Variants in LMX1B observed in about 807,000 individuals in gnomAD.
LMX1B encodes the protein LIM homeobox transcription factor 1 beta.
Under a neutral mutation model 51.4 loss-of-function variants are expected in LMX1B, and 12 were observed. The observed-to-expected ratio is 0.23, with a 90% confidence interval of 0.15 to 0.38. The LOEUF (loss-of-function observed/expected upper bound fraction) is 0.38, where lower values mean the gene tolerates loss of function less well. Among genes scored for constraint, LMX1B ranks in the 10% least tolerant of loss-of-function variants. The pLI, the probability that LMX1B is intolerant of heterozygous loss-of-function variation, is 1.00. For synonymous variants in LMX1B, 237 were observed against 235.4 expected (o/e 1.01, Z -0.06); for missense variants, 445 against 571.1 (o/e 0.78, Z 2.25).
intron 2 of LMX1B, among the ~76,000 whole-genome samples, chr9:126,623,609 C>G (rs1437552944): frequency 2.0e-5 from 3 of 152,208 alleles, no homozygotes; most frequent in Non-Finnish European, 4.4e-5. Flanking sequence ...CTCCCAAAGC[C>G]GGATGGGTTC....
chr9:126,671,491 C>T lies in LMX1B; in HGVS notation c.327-19345C>T, dbSNP rs990052426. On this transcript the variant is annotated intron_variant, in intron 2 of 7. Transcript: ENST00000373474. The surrounding 1 kb of genome is among the most constrained non-coding windows in gnomAD (Gnocchi z 4.4). ...GCAGAGTGGCTGGGTAAATAGTCGC[C>T]GCAGTAATCGCAGGCTGATTCCAAC... Among the ~76,000 whole-genome samples, 28 of 152,080 alleles carry T rather than the reference C, an allele frequency of 1.8e-4. No homozygotes were observed. Among genetic ancestry groups the T allele is most frequent in the African/African-American group, 6.3e-4 (26 of 41,422 alleles).
At chr9:126,619,708 G>GC (rs1835373145) in intron 2 of LMX1B, among the ~76,000 whole-genome samples, 2 of 152,214 alleles carry the variant, frequency 1.3e-5, no homozygotes, top group Admixed American at 6.5e-5. Context: ...TCCTGAGGCT[G>GC]CAGTCCCCTG....
In LMX1B at chr9:126,665,576, T is replaced by C. The variant is rs1002728668; in HGVS notation, c.327-25260T>C. Among the ~76,000 whole-genome samples the C allele has an allele frequency of 3.0e-4, 46 of 152,074 alleles. 1 individual carries two copies. The highest frequency in any genetic ancestry group is 4.2e-4 in the South Asian group (2 of 4,818). ...CTCTTACCAGAGAAACAAAAGCGCC[T>C]CCGGTGTTCCTTCTGCTGGGCTGCA... On this transcript the variant is annotated intron_variant, in intron 2 of 7. Coordinates refer to ENST00000373474, the MANE Select transcript of LMX1B (RefSeq NM_001174147.2).
chr9:126,661,171 CAG>C (rs1278743482), intron 2 of LMX1B, among the ~76,000 whole-genome samples: 1 of 152,142 alleles, frequency 6.6e-6, no homozygotes, highest in African/African-American at 2.4e-5. Flanking sequence ...TGCCCTGACA[CAG>C]GGCGACCCCT....
intron 3 of LMX1B, among the ~76,000 whole-genome samples, chr9:126,692,936 C>T (rs527236354): frequency 2.5e-4 from 38 of 152,314 alleles, no homozygotes; most frequent in Admixed American, 6.5e-5. Context: ...TCGCAGGGTA[C>T]AGCAGGCAGG....
chr9:126,662,445 G>A (rs1265792146), intron 2 of LMX1B, among the ~76,000 whole-genome samples: 1 of 152,210 alleles, frequency 6.6e-6, no homozygotes, highest in African/African-American at 2.4e-5. Context: ...GTGGGACCAG[G>A]ATCTGTTTGC....
rs531527584 is a variant in LMX1B at position 126,693,306 on chromosome 9, T to G, written c.724T>G (p.Ser242Ala). Residue 242 changes from serine (S) to alanine (A), a missense_variant, in exon 4 of 8, where the codon TCG becomes GCG. Ser to Ala is a moderately conservative substitution (Grantham distance 99). This residue lies in a region of LMX1B where 273 missense variants were observed against 343.3 expected (regional missense o/e 0.80). Coordinates refer to ENST00000373474, the MANE Select transcript of LMX1B (RefSeq NM_001174147.2). Reference sequence around the variant, plus strand: ...CTTCAAGGCCTCCTTCGAGGTCTCGTCGAAGCCTTGCCGAAAGGTGAGGGG... The same window carrying G: ...CTTCAAGGCCTCCTTCGAGGTCTCGGCGAAGCCTTGCCGAAAGGTGAGGGG... ...RAFKASFEVS[S>A]KPCRKVRETL... 2 of 1,604,468 alleles carry G rather than the reference T, an allele frequency of 1.2e-6. No homozygotes were observed. The highest frequency in any genetic ancestry group is 1.7e-6 in the Non-Finnish European group (2 of 1,176,270).
At chr9:126,634,546 A>G (rs969016656) in intron 2 of LMX1B, among the ~76,000 whole-genome samples, 58 of 152,138 alleles carry the variant, frequency 3.8e-4, no homozygotes, top group African/African-American at 1.3e-3. Flanking sequence ...GACTGTCCCC[A>G]TGGAGATTTT....
intron 2 of LMX1B, among the ~76,000 whole-genome samples, chr9:126,637,777 G>A (rs1835738713): frequency 6.6e-6 from 1 of 151,808 alleles, no homozygotes; most frequent in Admixed American, 6.6e-5. Flanking sequence ...AGGGGAGGGC[G>A]GGGTGATGAT....
chr9:126,632,232 G>T (rs948892947), intron 2 of LMX1B, among the ~76,000 whole-genome samples: 1 of 152,194 alleles, frequency 6.6e-6, no homozygotes, highest in African/African-American at 2.4e-5. Flanking sequence ...GGGAAGAGTT[G>T]TGGGCAGGGG....
At chr9:126,616,353 G>A (rs1297915075) in intron 2 of LMX1B, among the ~76,000 whole-genome samples, 3 of 152,206 alleles carry the variant, frequency 2.0e-5, no homozygotes, top group Non-Finnish European at 4.4e-5. Flanking sequence ...CAGAGATGTG[G>A]GTTGAGCCCT....
chr9:126,633,502 A>C (rs1425919500), intron 2 of LMX1B, among the ~76,000 whole-genome samples: 4 of 152,172 alleles, frequency 2.6e-5, no homozygotes, highest in Admixed American at 6.5e-5. Context: ...CCACAGGACA[A>C]CTGGGAGGAC....
At position 126,697,796 on chromosome 9, in the gene LMX1B, C is replaced by G. The variant is rs1388035209; in HGVS notation, c.*1345C>G. On this transcript the variant is annotated 3_prime_UTR_variant, in exon 8 of 8. Coordinates refer to ENST00000373474, the MANE Select transcript of LMX1B (RefSeq NM_001174147.2). Reference sequence around the variant, plus strand: ...GCCCCACACGCAAGTGACAGCTAAGCCACATCTGTTTTCTGTGTATATGCA... The same window carrying G: ...GCCCCACACGCAAGTGACAGCTAAGGCACATCTGTTTTCTGTGTATATGCA... 1 of 152,818 alleles carries G rather than the reference C, an allele frequency of 6.5e-6. No homozygotes were observed. Among genetic ancestry groups the G allele is most frequent in the Non-Finnish European group, 1.5e-5 (1 of 68,524 alleles). The allele number at this position is 152,818 out of a possible 1,614,324, so 9.5% of individuals were successfully genotyped here.
At position 126,673,646 on chromosome 9, in the gene LMX1B, G is replaced by C. The variant is rs577824449; in HGVS notation, c.327-17190G>C. 3.0e-4 allele frequency among the ~76,000 whole-genome samples: 45 copies of C among 152,276 alleles called. No individual in the cohort carries two copies. Among genetic ancestry groups the C allele is most frequent in the Admixed American group, 9.8e-4 (15 of 15,308 alleles). Reference sequence around the variant, plus strand: ...AGACACTCCACCTCCACTCTGGGCAGAGAGGGGGCATCGGGGGCATGGCTA... The same window carrying C: ...AGACACTCCACCTCCACTCTGGGCACAGAGGGGGCATCGGGGGCATGGCTA... On this transcript the variant is annotated intron_variant, in intron 2 of 7. Transcript: ENST00000373474. This position sits in a 1 kb window ranked among gnomAD's most constrained non-coding sequence, Gnocchi z 4.4.
At chr9:126,648,538 T>G (rs1308993687) in intron 2 of LMX1B, among the ~76,000 whole-genome samples, 2 of 152,226 alleles carry the variant, frequency 1.3e-5, no homozygotes, top group African/African-American at 2.4e-5. Flanking sequence ...GTCTTGATTT[T>G]CTCATCCGTA....
chr9:126,636,473 A>T (rs942128133), intron 2 of LMX1B, among the ~76,000 whole-genome samples: 2 of 151,820 alleles, frequency 1.3e-5, no homozygotes, highest in African/African-American at 4.8e-5. Context: ...TCTGGCCTTT[A>T]CTCCAGGGCC....
intron 2 of LMX1B, among the ~76,000 whole-genome samples, chr9:126,636,066 A>G (rs1404107600): frequency 1.3e-5 from 2 of 152,084 alleles, no homozygotes; most frequent in East Asian, 3.9e-4. Context: ...CCTCCCCTCT[A>G]TGAGCCTTTT....
intron 2 of LMX1B, among the ~76,000 whole-genome samples, chr9:126,670,843 T>C (rs902130689): frequency 9.9e-5 from 15 of 152,204 alleles, no homozygotes; most frequent in African/African-American, 3.6e-4. Flanking sequence ...ATGGCGTTTC[T>C]CTTAAAGTCG....
At chr9:126,687,858 G>T (rs142551620) in intron 2 of LMX1B, among the ~76,000 whole-genome samples, 1 of 152,178 alleles carries the variant, frequency 6.6e-6, no homozygotes, top group Non-Finnish European at 1.5e-5. Flanking sequence ...ATAGTCCTCC[G>T]TGGTGGGAGG....
Sources: gnomAD v4.1 joint callset for allele counts (sites outside exome capture counted in the v4.1 genomes callset) on GRCh38, gnomAD v4.1.1 for gene constraint, gnomAD v4.1.1 regional missense constraint, Gnocchi (gnomAD v3.1) non-coding constraint, MANE v1.5 for transcripts, NCBI Gene and HGNC (gene_info 2026-07-23, HGNC 2026-07-21) for gene names.